JPH3: variants seen among roughly 807,000 people sequenced by gnomAD.
The protein encoded by JPH3 is junctophilin-3.
Under a neutral mutation model 59.6 loss-of-function variants are expected in JPH3, and 11 were observed. The ratio of observed to expected loss-of-function variants is 0.18; its 90% CI spans 0.12 to 0.31. The LOEUF (loss-of-function observed/expected upper bound fraction) is 0.31, where lower values mean the gene tolerates loss of function less well. Among genes scored for constraint, JPH3 ranks in the 10% least tolerant of loss-of-function variants. The probability of loss-of-function intolerance (pLI) is 1.00; values close to 1 mark genes in which losing one functional copy is unlikely to be tolerated. For synonymous variants in JPH3, 673 were observed against 483.6 expected (o/e 1.39, Z -5.14); for missense variants, 1,202 against 1,105.7 (o/e 1.09, Z -1.24).
intron 1 of JPH3, among the ~76,000 whole-genome samples, chr16:87,615,545 C>T (rs1013784157): frequency 6.6e-6 from 1 of 152,174 alleles, no homozygotes; most frequent in Non-Finnish European, 1.5e-5. Flanking sequence ...AAGCATGGCT[C>T]CCCCATTTTC....
intron 1 of JPH3, among the ~76,000 whole-genome samples, chr16:87,614,609 C>T (rs28430775): frequency 1.4e-4 from 21 of 147,582 alleles, no homozygotes; most frequent in Non-Finnish European, 2.8e-4. Flanking sequence ...CCAGGATAAA[C>T]GCTGGTCCCT....
At chr16:87,668,307 G>T (rs1597277947) in intron 2 of JPH3, among the ~76,000 whole-genome samples, 1 of 152,148 alleles carries the variant, frequency 6.6e-6, no homozygotes, top group Non-Finnish European at 1.5e-5. Context: ...ATGTTTGGGG[G>T]TTACATCTGG....
chr16:87,695,115 A>T (rs1196149714), intron 4 of JPH3: 1 of 355,914 alleles, frequency 2.8e-6, no homozygotes, highest in Admixed American at 3.8e-5. Flanking sequence ...ATTCTCTTCC[A>T]GTCTCTGGGA....
At position 87,696,799 on chromosome 16, in the gene JPH3, T is replaced by C. The variant is rs1597309735; in HGVS notation, c.*139T>C. 1.3e-5 allele frequency: 9 copies of C among 701,742 alleles called. 1 individual carries two copies. Among genetic ancestry groups the C allele is most frequent in the Admixed American group, 9.2e-5 (4 of 43,662 alleles). 43.5% of individuals were successfully genotyped at this position (701,742 alleles called of 1,614,324 possible). A position where few individuals can be genotyped will look rare whatever the true frequency, so the allele number is the denominator to read the frequency against. ...GTCCTCTCACAGAAGAACCACACGA[T>C]TGGGTATCACTCACAGTTTGCCTTT... On this transcript the variant is annotated 3_prime_UTR_variant, in exon 5 of 5. Coordinates refer to ENST00000284262, the MANE Select transcript of JPH3 (RefSeq NM_020655.4).
chr16:87,686,996 G>A (rs71389875), intron 3 of JPH3, among the ~76,000 whole-genome samples: 14,071 of 152,256 alleles, frequency 0.092, 915 homozygotes, highest in Non-Finnish European at 0.14. Flanking sequence ...TTTGGGTGGC[G>A]CCCCGGAGCC....
chr16:87,644,415 C>G lies in JPH3; in HGVS notation c.540C>G (p.Asp180Glu), dbSNP rs758856596. Residue 180 changes from aspartate (D) to glutamate (E), a missense_variant, in exon 2 of 5, where the codon GAC (aspartate) becomes GAG (glutamate). Physicochemically the swap from Asp to Glu is conservative, Grantham distance 45. Transcript: ENST00000284262. ...CCAACGGCACGGCGCTGCATCCCGA[C>G]GCCTCTCCGGCGGTGGCCGGCAGCC... The part of the protein sequence containing the change: ...EHTNGTALHP[D>E]ASPAVAGSPA... 7.4e-6 allele frequency: 12 copies of G among 1,612,360 alleles called. No homozygotes were observed. The highest frequency in any genetic ancestry group is 1.7e-4 in the Middle Eastern group (1 of 6,058).
intron 2 of JPH3, among the ~76,000 whole-genome samples, chr16:87,665,568 A>G (rs1007728749): frequency 6.6e-6 from 1 of 152,216 alleles, no homozygotes; most frequent in African/African-American, 2.4e-5. Flanking sequence ...ATGCTGAGAC[A>G]GGCCTAGAGG....
chr16:87,644,214 T>C, intron 1 of JPH3, 44 bp from the exon 2 acceptor site: 2 of 1,553,270 alleles, frequency 1.3e-6, no homozygotes, highest in Non-Finnish European at 1.7e-6. Context: ...CTGTGCCCCC[T>C]CCTCTGTCGC....
In JPH3 at chr16:87,644,502, C is replaced by A. The variant is rs1005722723; in HGVS notation, c.627C>A (p.Ser209Arg). Reference protein sequence around the residue: ...VAHSDSEILKSKKKGLFRRSL... With the variant: ...VAHSDSEILKRKKKGLFRRSL... The stretch of plus-strand genomic sequence containing the variant: ...ACAGTGACTCCGAGATCCTCAAGAG[C>A]AAGAAGAAGGGGCTGTTTCGGCGCT... Residue 209 changes from serine (S) to arginine (R), a missense_variant, in exon 2 of 5, where the codon AGC (serine) becomes AGA (arginine). By Grantham distance (110) the Ser-to-Arg change is moderately radical. Transcript: ENST00000284262. 8 of 1,612,884 alleles carry A rather than the reference C, an allele frequency of 5.0e-6. No individual in the cohort carries two copies. In the South Asian group the frequency reaches 8.8e-5, roughly 18 times the overall value.
At chr16:87,655,510 C>T (rs12598044) in intron 2 of JPH3, among the ~76,000 whole-genome samples, 29,410 of 152,024 alleles carry the variant, frequency 0.19, 3,099 homozygotes, top group East Asian at 0.31. Context: ...TGCACCACCA[C>T]GCCCAGCTAA....
chr16:87,658,298 G>A (rs2032575523), intron 2 of JPH3, among the ~76,000 whole-genome samples: 2 of 151,980 alleles, frequency 1.3e-5, no homozygotes. Context: ...GTCTGCCTTT[G>A]AAAAAAGGGT....
rs759030068 is a variant in JPH3, at chr16:87,696,542, G to T, written c.2167-38G>T. On this transcript the variant is annotated intron_variant, in intron 4 of 4. Transcript: ENST00000284262. ...CGTGGTGGCCCAGGCAGAGCCCCCC[G>T]CAGCTGTCGCTCACCTCTTCCCCTC... is the stretch of plus-strand genomic sequence containing the variant. 3 of 1,571,590 alleles carry T rather than the reference G, an allele frequency of 1.9e-6. No individual in the cohort carries two copies. In the Admixed American group the frequency reaches 5.0e-5, roughly 26 times the overall value.
At chr16:87,638,332 C>T (rs2031825735) in intron 1 of JPH3, among the ~76,000 whole-genome samples, 2 of 152,160 alleles carry the variant, frequency 1.3e-5, no homozygotes, top group South Asian at 4.1e-4. Context: ...TGTGTTTGCT[C>T]CAGCCCTTTG....
intron 1 of JPH3, among the ~76,000 whole-genome samples, chr16:87,633,148 T>C (rs1202945132): frequency 1.3e-5 from 2 of 152,188 alleles, no homozygotes; most frequent in African/African-American, 4.8e-5. Flanking sequence ...CCACAGTTTA[T>C]TTCCTTGCAG....
chr16:87,662,794 C>T (rs561416488), intron 2 of JPH3, among the ~76,000 whole-genome samples: 8 of 152,354 alleles, frequency 5.3e-5, no homozygotes, highest in Admixed American at 2.6e-4. Flanking sequence ...CAACCTCTTC[C>T]GTCTGTCTCC....
chr16:87,649,276 T>G (rs1264290442), intron 2 of JPH3, among the ~76,000 whole-genome samples: 1 of 152,198 alleles, frequency 6.6e-6, no homozygotes, highest in South Asian at 2.1e-4. Context: ...TCCTGCCGTG[T>G]CGCCTAGCAG....
chr16:87,664,580 G>A (rs112205425), intron 2 of JPH3, among the ~76,000 whole-genome samples: 5 of 152,150 alleles, frequency 3.3e-5, no homozygotes, highest in African/African-American at 1.2e-4. Flanking sequence ...AGCCGAGATC[G>A]CGCCATTGCA....
intron 2 of JPH3, among the ~76,000 whole-genome samples, chr16:87,682,025 AG>A (rs2033308867): frequency 6.6e-6 from 1 of 152,006 alleles, no homozygotes; most frequent in African/African-American, 2.4e-5. Flanking sequence ...GTACAGTTTC[AG>A]GAGATGCACG....
chr16:87,622,325 C>T (rs2031214789), intron 1 of JPH3, among the ~76,000 whole-genome samples: 1 of 152,346 alleles, frequency 6.6e-6, no homozygotes, highest in South Asian at 2.1e-4. Context: ...CTGAGGTCAG[C>T]TTCCCAGGGG....
Sources: allele counts gnomAD v4.1 joint callset (sites outside exome capture counted in the v4.1 genomes callset), GRCh38; gene constraint gnomAD v4.1.1; transcripts MANE v1.5; gene names NCBI Gene and HGNC (gene_info 2026-07-23, HGNC 2026-07-21).